The following FYN variants were observed in gnomAD, a reference collection of about 807,000 sequenced individuals.
The protein encoded by FYN is tyrosine-protein kinase Fyn.
Under a neutral mutation model 70.2 loss-of-function variants are expected in FYN, and 10 were observed. That is an observed-to-expected ratio of 0.14 (90% CI 0.09 to 0.24). The LOEUF is 0.24. FYN is among the 10% of genes least tolerant of loss of function. The probability of loss-of-function intolerance (pLI) is 1.00; values close to 1 mark genes in which losing one functional copy is unlikely to be tolerated. For missense variants in FYN, 319 were observed against 673.1 expected (o/e 0.47, Z 5.82); for synonymous variants, 236 against 248.6 (o/e 0.95, Z 0.48).
At chr6:111,792,519 T>G (rs939060391) in intron 2 of FYN, among the ~76,000 whole-genome samples, 2 of 152,148 alleles carry the variant, frequency 1.3e-5, no homozygotes, top group Non-Finnish European at 2.9e-5. Context: ...ACAAGAATGA[T>G]CCTACCAGTA....
intron 12 of FYN, among the ~76,000 whole-genome samples, chr6:111,678,106 A>ATGTGTGTGTGTGTGTGTGTGTGTGTG (rs201367268): frequency 4.2e-5 from 5 of 118,552 alleles, no homozygotes; most frequent in African/African-American, 2.2e-4. Context: ...GAAGGCCATA[A>ATGTGTGTGTGTGTGTGTGTGTGTGTG]TATGTGTGTG....
Position 111,785,832 on chromosome 6 carries a change from C to T in FYN, c.-81-5197G>A, listed in dbSNP as rs562374973. Among the ~76,000 whole-genome samples the T allele has an allele frequency of 1.6e-3, 224 of 139,550 alleles. 2 individuals carry two copies. The highest frequency in any genetic ancestry group is 5.7e-3 in the African/African-American group (211 of 37,012). 91.6% of individuals were successfully genotyped at this position (139,550 alleles called of 152,430 possible). On this transcript the variant is annotated intron_variant, in intron 2 of 13. Coordinates refer to ENST00000354650, the MANE Select transcript of FYN (RefSeq NM_002037.5). ...ATCCCTCCTCCCTCCCCCGACCCCA[C>T]GACAGGCCCCAGTGTGTGATGTTCC... is the stretch of plus-strand genomic sequence containing the variant.
intron 1 of FYN, chr6:111,858,364 C>T (rs1773877625): frequency 6.6e-6 from 1 of 152,158 alleles, no homozygotes; most frequent in Admixed American, 6.5e-5. Flanking sequence ...AGTGACCCAT[C>T]CATTTCTTAA....
rs539159159 is a variant in FYN, at chr6:111,818,026, C to A, written c.-82+28563G>T. Among the ~76,000 whole-genome samples the A allele has an allele frequency of 1.7e-4, 26 of 152,350 alleles. No individual in the cohort carries two copies. In the South Asian group the frequency reaches 5.4e-3, roughly 32 times the overall value. On this transcript the variant is annotated intron_variant, in intron 2 of 13. Transcript: ENST00000354650. ...AGCCAACTGTGAGAATGGCAAAGAG[C>A]ACACAGATGACCTGATGACTGACAG...
At chr6:111,732,656 C>T in intron 3 of FYN, among the ~76,000 whole-genome samples, 1 of 152,206 alleles carries the variant, frequency 6.6e-6, no homozygotes, top group East Asian at 1.9e-4. Flanking sequence ...GTGGCCAGAT[C>T]ACTTAATTCT....
chr6:111,810,188 C>T (rs1772280056), intron 2 of FYN, among the ~76,000 whole-genome samples: 1 of 152,072 alleles, frequency 6.6e-6, no homozygotes, highest in African/African-American at 2.4e-5. Context: ...ATTTATATCA[C>T]TATTAGGATG....
At chr6:111,713,375 C>A (rs957565958) in intron 5 of FYN, among the ~76,000 whole-genome samples, 9 of 152,120 alleles carry the variant, frequency 5.9e-5, no homozygotes, top group Non-Finnish European at 1.3e-4. Flanking sequence ...AGTCCTTCTG[C>A]CAACATGGAA....
chr6:111,692,112 C>G (rs574854925), intron 12 of FYN, among the ~76,000 whole-genome samples: 3 of 149,340 alleles, frequency 2.0e-5, no homozygotes, highest in East Asian at 2.0e-4. Context: ...CCCCCCCCCC[C>G]AGTTCAGCTC....
At chr6:111,743,874 T>C (rs927735796) in intron 3 of FYN, among the ~76,000 whole-genome samples, 1 of 152,160 alleles carries the variant, frequency 6.6e-6, no homozygotes, top group Non-Finnish European at 1.5e-5. Flanking sequence ...CTGGCTCTCT[T>C]ACTCCCAATA....
At chr6:111,805,394 T>C (rs1772115532) in intron 2 of FYN, among the ~76,000 whole-genome samples, 1 of 152,200 alleles carries the variant, frequency 6.6e-6, no homozygotes, top group Admixed American at 6.5e-5. Context: ...AAATTATACA[T>C]CGTTTATCTG....
chr6:111,738,907 C>A lies in FYN; in HGVS notation c.-11-18845G>T, dbSNP rs139575438. On this transcript the variant is annotated intron_variant, in intron 3 of 13. Coordinates refer to ENST00000354650, the MANE Select transcript of FYN (RefSeq NM_002037.5). ...TGGTGGGGCGGGGAGGGGCTTTCTG[C>A]CTTCTGGTGTGAAGCTGCCCTCCCT... Among the ~76,000 whole-genome samples the A allele has an allele frequency of 9.1e-4, 138 of 152,202 alleles. 1 individual carries two copies. The highest frequency in any genetic ancestry group is 3.1e-3 in the African/African-American group (130 of 41,528).
chr6:111,837,975 G>C (rs1185878219), intron 2 of FYN, among the ~76,000 whole-genome samples: 1 of 152,156 alleles, frequency 6.6e-6, no homozygotes, highest in Non-Finnish European at 1.5e-5. Flanking sequence ...GTATTCAGTA[G>C]TGACACATTT....
In FYN at chr6:111,811,920, C is replaced by T. The variant is rs913914234; in HGVS notation, c.-81-31285G>A. Among the ~76,000 whole-genome samples, 6 of 152,246 alleles carry T rather than the reference C, an allele frequency of 3.9e-5. No homozygotes were observed. In the South Asian group the frequency reaches 8.3e-4, roughly 21 times the overall value. ...ATCTGGAAGAACGGGACTCTCCAGG[C>T]ATCACAGGTATAGCCTTGAAACTGC... is the stretch of plus-strand genomic sequence containing the variant. On this transcript the variant is annotated intron_variant, in intron 2 of 13. Coordinates refer to ENST00000354650, the MANE Select transcript of FYN (RefSeq NM_002037.5).
intron 13 of FYN, among the ~76,000 whole-genome samples, chr6:111,667,055 T>A (rs1046993553): frequency 3.9e-5 from 6 of 152,186 alleles, no homozygotes; most frequent in African/African-American, 1.4e-4. Flanking sequence ...GTTGCTGGCT[T>A]CCTCCAGCAA....
intron 3 of FYN, among the ~76,000 whole-genome samples, 174 bp from the exon 4 acceptor site, chr6:111,720,236 G>C (rs568332481): frequency 6.6e-6 from 1 of 152,290 alleles, no homozygotes; most frequent in Admixed American, 6.5e-5. Flanking sequence ...TCAGTTCCTT[G>C]ACCCCACAAT....
intron 13 of FYN, among the ~76,000 whole-genome samples, chr6:111,671,864 C>A (rs1798289923): frequency 6.6e-6 from 1 of 152,100 alleles, no homozygotes; most frequent in Non-Finnish European, 1.5e-5. Flanking sequence ...AATTGGAATC[C>A]CTCTGTAAAA....
At chr6:111,808,138 A>G (rs1464382934) in intron 2 of FYN, among the ~76,000 whole-genome samples, 1 of 152,052 alleles carries the variant, frequency 6.6e-6, no homozygotes. Flanking sequence ...AACAAAAAAA[A>G]CCTGAGATCA....
intron 2 of FYN, among the ~76,000 whole-genome samples, chr6:111,840,650 G>C (rs1423501975): frequency 6.6e-6 from 1 of 152,150 alleles, no homozygotes; most frequent in Non-Finnish European, 1.5e-5. Context: ...GCTAAAAGTG[G>C]GCAGTAATAA....
rs1044599736 is a variant in FYN at position 111,716,612 on chromosome 6, T to C, written c.248-2169A>G. On this transcript the variant is annotated intron_variant, in intron 4 of 13. Transcript: ENST00000354650. ...GCCAGAAATGTCTAACTAAGTGCCA[T>C]ACTCGTCTGGGTAAGATTTGGGAAA... Among the ~76,000 whole-genome samples the C allele has an allele frequency of 2.0e-5, 3 of 152,000 alleles. No individual in the cohort carries two copies. The East Asian group carries it at 5.8e-4, about 29-fold the overall frequency.
Sources: gnomAD v4.1 joint callset for allele counts (sites outside exome capture counted in the v4.1 genomes callset) on GRCh38, gnomAD v4.1.1 for gene constraint, MANE v1.5 for transcripts, NCBI Gene and HGNC (gene_info 2026-07-23, HGNC 2026-07-21) for gene names.